Variants in CEP55 observed in about 807,000 individuals in gnomAD.
CEP55 encodes the protein centrosomal protein 55, also known as centrosomal protein of 55 kDa.
In CEP55, 57 loss-of-function variants were observed where a neutral mutation model predicts 63.2. The ratio of observed to expected loss-of-function variants is 0.90; its 90% CI spans 0.73 to 1.13. The LOEUF (loss-of-function observed/expected upper bound fraction) is 1.13, where lower values mean the gene tolerates loss of function less well. Ranked by LOEUF, CEP55 falls within the 50% of genes most tolerant of loss-of-function variation. CEP55 has a pLI of 0.00. For synonymous variants in CEP55, 178 were observed against 191.6 expected, an observed-to-expected ratio of 0.93 and a Z score of 0.59; for missense variants, 456 against 518.9, an observed-to-expected ratio of 0.88 and a Z score of 1.18.
intron 8 of CEP55, among the ~76,000 whole-genome samples, chr10:93,521,242 C>T (rs2057858779): frequency 6.6e-6 from 1 of 152,162 alleles, no homozygotes; most frequent in South Asian, 2.1e-4. Flanking sequence ...AGGTCATTCC[C>T]ACCCTAATAC....
At chr10:93,525,153 C>T (rs1196807911) in intron 8 of CEP55, among the ~76,000 whole-genome samples, 2 of 151,918 alleles carry the variant, frequency 1.3e-5, no homozygotes, top group Non-Finnish European at 2.9e-5. Flanking sequence ...TCAAATTGTC[C>T]CTGTTTGCAG....
At chr10:93,503,798 G>A (rs1036292480) in intron 3 of CEP55, among the ~76,000 whole-genome samples, 6 of 152,034 alleles carry the variant, frequency 3.9e-5, no homozygotes, top group African/African-American at 7.2e-5. Context: ...TTTTCTCCCC[G>A]TTTTGTTTGA....
intron 3 of CEP55, among the ~76,000 whole-genome samples, chr10:93,505,649 A>C (rs918824188): frequency 5.3e-5 from 8 of 152,118 alleles, no homozygotes; most frequent in African/African-American, 1.9e-4. Context: ...GAGAAAAATA[A>C]TTTTTTTGAG....
intron 1 of CEP55, among the ~76,000 whole-genome samples, chr10:93,497,716 T>A (rs1373126464): frequency 1.1e-5 from 1 of 92,692 alleles, no homozygotes; most frequent in Admixed American, 1.4e-4. Flanking sequence ...CTAGATTGTG[T>A]AGGGGTGGGG....
chr10:93,502,370 A>C (rs908023102), intron 2 of CEP55, among the ~76,000 whole-genome samples: 1 of 152,146 alleles, frequency 6.6e-6, no homozygotes, highest in African/African-American at 2.4e-5. Context: ...ATGAATAACC[A>C]TGCCCCTAAA....
Position 93,503,455 on chromosome 10 carries a change from G to A in CEP55, c.459+67G>A, listed in dbSNP as rs1423491435. 36 of 1,450,550 alleles carry A rather than the reference G, an allele frequency of 2.5e-5. No individual in the cohort carries two copies. The South Asian group carries it at 3.6e-4, about 15-fold the overall frequency. The allele number at this position is 1,450,550 out of a possible 1,614,324, so 89.9% of individuals were successfully genotyped here. ...TGATACAGTTTGTAATTCTTAGGAGGAATGAGTTTGTTAAGACATGCTTCC... is the reference window on the plus strand; with the variant it reads ...TGATACAGTTTGTAATTCTTAGGAGAAATGAGTTTGTTAAGACATGCTTCC... On this transcript the variant is annotated intron_variant, in intron 3 of 8. Coordinates refer to ENST00000371485, the MANE Select transcript of CEP55 (RefSeq NM_018131.5).
chr10:93,505,051 A>T (rs2057674616), intron 3 of CEP55, among the ~76,000 whole-genome samples: 1 of 152,178 alleles, frequency 6.6e-6, no homozygotes. Context: ...ACCTCAGGTG[A>T]TCCGCCTGCC....
chr10:93,510,395 T>A (rs916879022), intron 4 of CEP55, among the ~76,000 whole-genome samples: 3 of 152,226 alleles, frequency 2.0e-5, no homozygotes, highest in Non-Finnish European at 4.4e-5. Context: ...TGATAACATA[T>A]AATAACATAT....
intron 4 of CEP55, among the ~76,000 whole-genome samples, chr10:93,512,079 A>T (rs1394653859): frequency 3.3e-5 from 5 of 150,858 alleles, no homozygotes; most frequent in African/African-American, 1.2e-4. Context: ...AAATACAAAA[A>T]AGCTGGGCGT....
intron 8 of CEP55, among the ~76,000 whole-genome samples, chr10:93,521,028 G>A (rs778375522): frequency 3.3e-5 from 5 of 152,138 alleles, no homozygotes; most frequent in African/African-American, 7.2e-5. Flanking sequence ...AGCTCCCAGC[G>A]TGAGCGACAC....
intron 8 of CEP55, among the ~76,000 whole-genome samples, chr10:93,520,939 G>T (rs1034758012): frequency 6.6e-6 from 1 of 152,148 alleles, no homozygotes; most frequent in African/African-American, 2.4e-5. Flanking sequence ...AAAGCTTAGG[G>T]AGCAGAGGGT....
intron 5 of CEP55, among the ~76,000 whole-genome samples, chr10:93,516,459 C>CTT (rs941713006): frequency 1.6e-4 from 24 of 151,356 alleles, no homozygotes; most frequent in African/African-American, 5.8e-4. Context: ...ATACAGTTCT[C>CTT]TCTCTCTCTC....
At chr10:93,504,619 G>A (rs566621205) in intron 3 of CEP55, among the ~76,000 whole-genome samples, 5 of 152,248 alleles carry the variant, frequency 3.3e-5, no homozygotes, top group South Asian at 2.1e-4. Context: ...ATAGATGGGC[G>A]TTTGAGTGTT....
At chr10:93,519,982 GA>G in intron 8 of CEP55, 175 bp downstream of exon 8, 1 of 667,644 alleles carries the variant, frequency 1.5e-6, no homozygotes, top group Non-Finnish European at 2.6e-6. Context: ...CAGAGGACAT[GA>G]AAGAGGGACA....
chr10:93,503,715 T>G (rs1262614203), intron 3 of CEP55, among the ~76,000 whole-genome samples: 1 of 152,184 alleles, frequency 6.6e-6, no homozygotes, highest in African/African-American at 2.4e-5. Flanking sequence ...GTAGGCTTCA[T>G]TTTTTTGGTT....
At chr10:93,501,519 A>T (rs2057634819) in intron 2 of CEP55, among the ~76,000 whole-genome samples, 1 of 152,076 alleles carries the variant, frequency 6.6e-6, no homozygotes, top group Non-Finnish European at 1.5e-5. Flanking sequence ...CGAAACAAAA[A>T]TTAGCCGGAT....
chr10:93,519,221 T>A, intron 7 of CEP55: 1 of 444,050 alleles, frequency 2.3e-6, no homozygotes, highest in Non-Finnish European at 4.1e-6. Context: ...ATTTTGCTCT[T>A]CCCCAGTGGC....
chr10:93,508,612 T>C (rs1167029320), intron 4 of CEP55, among the ~76,000 whole-genome samples: 3 of 152,232 alleles, frequency 2.0e-5, no homozygotes, highest in Non-Finnish European at 4.4e-5. Flanking sequence ...CATTCCACTT[T>C]ATTTACTCCA....
chr10:93,510,442 T>TG (rs2057733796), intron 4 of CEP55: 2 of 152,240 alleles, frequency 1.3e-5, no homozygotes, highest in Admixed American at 1.3e-4. Flanking sequence ...TCAACCGTTG[T>TG]TAACATGTTA....
Sources: allele counts gnomAD v4.1 joint callset (sites outside exome capture counted in the v4.1 genomes callset), GRCh38; gene constraint gnomAD v4.1.1; transcripts MANE v1.5; gene names NCBI Gene and HGNC (gene_info 2026-07-23, HGNC 2026-07-21).